TTBK1: variants seen among roughly 807,000 people sequenced by gnomAD.
The protein encoded by TTBK1 is tau-tubulin kinase 1.
In TTBK1, 34 loss-of-function variants were observed where a neutral mutation model predicts 108.5. That is an observed-to-expected ratio of 0.31 (90% CI 0.24 to 0.42). The LOEUF (loss-of-function observed/expected upper bound fraction) is 0.42. Ranked by LOEUF, TTBK1 falls within the 10% of genes least tolerant of loss-of-function variation. TTBK1 has a pLI of 1.00. For missense variants in TTBK1, 1,539 were observed against 1,826.0 expected, an observed-to-expected ratio of 0.84 and a Z score of 2.86; for synonymous variants, 809 against 795.1, an observed-to-expected ratio of 1.02 and a Z score of -0.29.
In TTBK1 at chr6:43,286,806, C is replaced by T. The variant is rs572995275; in HGVS notation, c.*1430C>T. 1.3e-5 allele frequency: 2 copies of T among 152,430 alleles called. No homozygotes were observed. The highest frequency in any genetic ancestry group is 4.8e-5 in the African/African-American group (2 of 41,462). 9.4% of individuals were successfully genotyped at this position (152,430 alleles called of 1,614,324 possible). A position where few individuals can be genotyped will look rare whatever the true frequency, so the allele number is the denominator to read the frequency against. On this transcript the variant is annotated 3_prime_UTR_variant, in exon 15 of 15. Transcript: ENST00000259750. The surrounding 1 kb of genome is among the most constrained non-coding windows in gnomAD (Gnocchi z 4.6). ...CCTACATCTGGGGCAAGCAGCACAC[C>T]GGCTGCAGATGGGACAGCCAGCCCT...
intron 2 of TTBK1, among the ~76,000 whole-genome samples, chr6:43,247,507 C>T (rs554423321): frequency 7.9e-5 from 12 of 151,996 alleles, no homozygotes; most frequent in African/African-American, 2.4e-4. Context: ...ATTGTGGGGG[C>T]AGGATAATGT....
At chr6:43,254,718 C>A in intron 6 of TTBK1, 67 bp downstream of exon 6, 2 of 1,426,630 alleles carry the variant, frequency 1.4e-6, no homozygotes, top group Non-Finnish European at 1.9e-6. Flanking sequence ...GGGGACCCTT[C>A]ACCCACTTTT....
At chr6:43,266,764 G>A (rs1432123324) in intron 13 of TTBK1, among the ~76,000 whole-genome samples, 2 of 152,024 alleles carry the variant, frequency 1.3e-5, no homozygotes, top group Admixed American at 6.6e-5. Context: ...TTACAGGCAT[G>A]CACCACCACC....
intron 2 of TTBK1, among the ~76,000 whole-genome samples, chr6:43,252,265 AG>A (rs1777265068): frequency 6.7e-6 from 1 of 148,642 alleles, no homozygotes; most frequent in Non-Finnish European, 1.5e-5. Context: ...CCAGGGCACT[AG>A]GAGAGGAGGT....
chr6:43,275,064 C>T (rs1413523360), intron 13 of TTBK1, among the ~76,000 whole-genome samples: 3 of 152,148 alleles, frequency 2.0e-5, no homozygotes, highest in African/African-American at 7.2e-5. Context: ...CACGCACTCA[C>T]ACTCACACCC....
chr6:43,286,690 G>A lies in TTBK1; in HGVS notation c.*1314G>A, dbSNP rs1280962540. The A allele has an allele frequency of 2.0e-5, 3 of 152,828 alleles. No individual in the cohort carries two copies. In the East Asian group the frequency reaches 5.8e-4, roughly 29 times the overall value. The allele number at this position is 152,828 out of a possible 1,614,324, so 9.5% of individuals were successfully genotyped here. ...CCTTCTTGCCCTGACCCCAGCCCGT[G>A]CAGCTGCTCTACTCCAGGAATGGAT... On this transcript the variant is annotated 3_prime_UTR_variant, in exon 15 of 15. Coordinates refer to ENST00000259750, the MANE Select transcript of TTBK1 (RefSeq NM_032538.3). The surrounding 1 kb of genome is among the most constrained non-coding windows in gnomAD (Gnocchi z 4.6).
Position 43,253,189 on chromosome 6 carries a change from A to T in TTBK1, c.257-102A>T, listed in dbSNP as rs760391145. 6.9e-6 allele frequency: 9 copies of T among 1,301,152 alleles called. No individual in the cohort carries two copies. The Admixed American group carries it at 1.4e-4, about 20-fold the overall frequency. The allele number at this position is 1,301,152 out of a possible 1,614,324, so 80.6% of individuals were successfully genotyped here. On this transcript the variant is annotated intron_variant, in intron 3 of 14. Coordinates refer to ENST00000259750, the MANE Select transcript of TTBK1 (RefSeq NM_032538.3). This position sits in a 1 kb window ranked among gnomAD's most constrained non-coding sequence, Gnocchi z 5.8. ...CAAGACAGGTGCTCACAGGGCCAGC[A>T]CTGGAGGGACCAGGAATCAAGAGTG...
intron 7 of TTBK1, 152 bp from the exon 8 acceptor site, chr6:43,255,400 G>A: frequency 1.4e-6 from 1 of 728,440 alleles, no homozygotes; most frequent in Non-Finnish European, 2.3e-6. Context: ...GGAGGGTTGG[G>A]GATGGAGCTG....
At chr6:43,274,918 A>C (rs1777924459) in intron 13 of TTBK1, among the ~76,000 whole-genome samples, 1 of 152,086 alleles carries the variant, frequency 6.6e-6, no homozygotes, top group African/African-American at 2.4e-5. Flanking sequence ...TGGAGCCCAC[A>C]GGACTCCTTC....
rs1207836070 is a variant in TTBK1 at position 43,263,325 on chromosome 6, C to T, written c.1961C>T (p.Ser654Leu). The change falls in exon 13 of 15, where the codon TCG becomes TTG. Residue 654 changes from serine (S) to leucine (L), a missense_variant. Physicochemically the swap from Ser to Leu is moderately radical, Grantham distance 145. Around this residue, in one of 5 missense-constraint regions of TTBK1, gnomAD observed 1,055 missense variants for 1,086.5 expected, o/e 0.97. Coordinates refer to ENST00000259750, the MANE Select transcript of TTBK1 (RefSeq NM_032538.3). This position sits in a 1 kb window ranked among gnomAD's most constrained non-coding sequence, Gnocchi z 4.7. The stretch of plus-strand genomic sequence containing the variant: ...GGACCCCGCCCTCGACGGAGAGAGT[C>T]GGACCCCACAGGCCCACAGAGACAG... ...HSGPRPRRRE[S>L]DPTGPQRQVF... 4 of 1,473,500 alleles carry T rather than the reference C, an allele frequency of 2.7e-6. No homozygotes were observed. Among genetic ancestry groups the T allele is most frequent in the South Asian group, 1.4e-5 (1 of 72,192 alleles). 91.3% of individuals were successfully genotyped at this position (1,473,500 alleles called of 1,614,324 possible).
chr6:43,265,717 C>T lies in TTBK1; in HGVS notation c.1986+2367C>T, dbSNP rs968052449. On this transcript the variant is annotated intron_variant, in intron 13 of 14. Transcript: ENST00000259750. This position sits in a 1 kb window ranked among gnomAD's most constrained non-coding sequence, Gnocchi z 4.1. ...GGTGACTTGCACAATAGGTTGTACC[C>T]GTAGGAAGTGCAGAGTCTAGGGAGG... 2.6e-5 allele frequency among the ~76,000 whole-genome samples: 4 copies of T among 152,208 alleles called. No individual in the cohort carries two copies. The highest frequency in any genetic ancestry group is 3.4e-3 in the Middle Eastern group (1 of 294).
At position 43,257,912 on chromosome 6, in the gene TTBK1, C is replaced by T. The variant is rs145954974; in HGVS notation, c.962C>T (p.Thr321Met). Residue 321 changes from threonine (T) to methionine (M), a missense_variant, in exon 10 of 15, where the codon ACG becomes ATG. Physicochemically the swap from Thr to Met is moderately conservative, Grantham distance 81 (BLOSUM62 -1). This residue lies in a region of TTBK1 where 277 missense variants were observed against 332.4 expected (regional missense o/e 0.83). Coordinates refer to ENST00000259750, the MANE Select transcript of TTBK1 (RefSeq NM_032538.3). This position sits in a 1 kb window ranked among gnomAD's most constrained non-coding sequence, Gnocchi z 4.5. ...EKAGTDALLSTSTSTPPQQNT... is the reference protein window; with the variant it reads ...EKAGTDALLSMSTSTPPQQNT... ...GCAGGCACCGATGCCCTCCTGTCCA[C>T]GAGCACCTCTACCCCGCCCCAGCAG... is the stretch of plus-strand genomic sequence containing the variant. 69 of 1,613,846 alleles carry T rather than the reference C, an allele frequency of 4.3e-5. 1 individual carries two copies. In the Admixed American group the frequency reaches 6.5e-4, roughly 15 times the overall value.
intron 13 of TTBK1, chr6:43,270,758 G>C (rs1237226745): frequency 2.0e-5 from 20 of 985,480 alleles, no homozygotes; most frequent in Non-Finnish European, 2.4e-5. Context: ...AGGCAGGCTG[G>C]AACTGAGCAA....
Position 43,253,772 on chromosome 6 carries a change from T to C in TTBK1, c.471+64T>C, listed in dbSNP as rs902865963. 1 of 1,532,304 alleles carries C rather than the reference T, an allele frequency of 6.5e-7. No individual in the cohort carries two copies. The highest frequency in any genetic ancestry group is 2.3e-5 in the East Asian group (1 of 42,872). 94.9% of individuals were successfully genotyped at this position (1,532,304 alleles called of 1,614,324 possible). On this transcript the variant is annotated intron_variant, in intron 5 of 14. Coordinates refer to ENST00000259750, the MANE Select transcript of TTBK1 (RefSeq NM_032538.3). The surrounding 1 kb of genome is among the most constrained non-coding windows in gnomAD (Gnocchi z 5.8). ...CAGAACACACCCCTAATTCTTTCCC[T>C]GGGTCTCCTGGTTTCTCCTCTGCAA...
chr6:43,248,546 A>C (rs1777159120), intron 2 of TTBK1, among the ~76,000 whole-genome samples: 1 of 152,134 alleles, frequency 6.6e-6, no homozygotes, highest in Admixed American at 6.5e-5. Flanking sequence ...AACACGGTGA[A>C]ACCTCATCTC....
chr6:43,283,374 G>C lies in TTBK1; in HGVS notation c.2634G>C (p.Gln878His). Residue 878 changes from glutamine to histidine, a missense_variant, in exon 14 of 15, where the codon CAG (glutamine) becomes CAC (histidine). This residue lies in a region of TTBK1 where 1,055 missense variants were observed against 1,086.5 expected (regional missense o/e 0.97). Coordinates refer to ENST00000259750, the MANE Select transcript of TTBK1 (RefSeq NM_032538.3). The surrounding 1 kb of genome is among the most constrained non-coding windows in gnomAD (Gnocchi z 8.1). ...AGCGGCCCCAGCCCACGGGCAGCCA[G>C]CTGGACGTATCTGAGCCAGGCACCC... ...QHERPQPTGS[Q>H]LDVSEPGTLS... 6.2e-7 allele frequency: 1 copy of C among 1,604,268 alleles called. No homozygotes were observed. Among genetic ancestry groups the C allele is most frequent in the Non-Finnish European group, 8.5e-7 (1 of 1,175,388 alleles).
chr6:43,287,441 G>A lies in TTBK1; in HGVS notation c.*2065G>A, dbSNP rs1341026107. On this transcript the variant is annotated 3_prime_UTR_variant, in exon 15 of 15. Coordinates refer to ENST00000259750, the MANE Select transcript of TTBK1 (RefSeq NM_032538.3). The surrounding 1 kb of genome is among the most constrained non-coding windows in gnomAD (Gnocchi z 4.1). ...ACCAACAACACCCTGGTTTGGAGCTGGGAGGAAGAAGGGGGCCTGAGAGAG... is the reference window on the plus strand; with the variant it reads ...ACCAACAACACCCTGGTTTGGAGCTAGGAGGAAGAAGGGGGCCTGAGAGAG... 1 of 152,728 alleles carries A rather than the reference G, an allele frequency of 6.5e-6. No individual in the cohort carries two copies. The highest frequency in any genetic ancestry group is 1.5e-5 in the Non-Finnish European group (1 of 68,162). The allele number at this position is 152,728 out of a possible 1,614,324, so 9.5% of individuals were successfully genotyped here. A position where few individuals can be genotyped will look rare whatever the true frequency, so the allele number is the denominator to read the frequency against.
rs978952824 is a variant in TTBK1, at chr6:43,259,794, G to A, written c.1424+88G>A. ...CTGGAGGAAAAGTTAGATGTGTGGCGGAGGTGGGCAGACCCTGGGAAGTGC... is the reference window on the plus strand; with the variant it reads ...CTGGAGGAAAAGTTAGATGTGTGGCAGAGGTGGGCAGACCCTGGGAAGTGC... On this transcript the variant is annotated intron_variant, in intron 12 of 14. Transcript: ENST00000259750. This position sits in a 1 kb window ranked among gnomAD's most constrained non-coding sequence, Gnocchi z 6.7. 15 of 1,346,864 alleles carry A rather than the reference G, an allele frequency of 1.1e-5. 1 individual carries two copies. Among genetic ancestry groups the A allele is most frequent in the Admixed American group, 1.1e-4 (4 of 36,330 alleles). 83.4% of individuals were successfully genotyped at this position (1,346,864 alleles called of 1,614,324 possible). A position where few individuals can be genotyped will look rare whatever the true frequency, so the allele number is the denominator to read the frequency against.
chr6:43,276,007 C>T lies in TTBK1; in HGVS notation c.1987-6720C>T, dbSNP rs1353371757. On this transcript the variant is annotated intron_variant, in intron 13 of 14. Coordinates refer to ENST00000259750, the MANE Select transcript of TTBK1 (RefSeq NM_032538.3). The surrounding 1 kb of genome is among the most constrained non-coding windows in gnomAD (Gnocchi z 5.4). ...GGAGAGAGAAACTCAGCACCGGGGCCCAGCTGAGCCCCTTCCTGCGTAAGG... is the reference window on the plus strand; with the variant it reads ...GGAGAGAGAAACTCAGCACCGGGGCTCAGCTGAGCCCCTTCCTGCGTAAGG... Among the ~76,000 whole-genome samples, 6 of 152,052 alleles carry T rather than the reference C, an allele frequency of 3.9e-5. No individual in the cohort carries two copies. Among genetic ancestry groups the T allele is most frequent in the African/African-American group, 1.4e-4 (6 of 41,394 alleles).
Sources: allele counts gnomAD v4.1 joint callset (sites outside exome capture counted in the v4.1 genomes callset), GRCh38; gene constraint gnomAD v4.1.1; regional missense constraint gnomAD v4.1.1; non-coding constraint Gnocchi (gnomAD v3.1); transcripts MANE v1.5; gene names NCBI Gene and HGNC (gene_info 2026-07-23, HGNC 2026-07-21).